SRBD1: variants seen among roughly 807,000 people sequenced by gnomAD.
The protein encoded by SRBD1 is S1 RNA binding domain 1, also known as S1 RNA-binding domain-containing protein 1.
In SRBD1, 88 loss-of-function variants were observed where a neutral mutation model predicts 115.3. The ratio of observed to expected loss-of-function variants is 0.76; its 90% confidence interval spans 0.64 to 0.91. SRBD1 has a LOEUF of 0.91. Among genes scored for constraint, SRBD1 ranks in the 40% least tolerant of loss-of-function variants. The pLI, the probability that SRBD1 is intolerant of heterozygous loss-of-function variation, is 0.00. For missense variants in SRBD1, 1,385 were observed against 1,177.4 expected (o/e 1.18, Z -2.58); for synonymous variants, 509 against 407.7 (o/e 1.25, Z -2.99).
intron 19 of SRBD1, among the ~76,000 whole-genome samples, chr2:45,407,966 T>C (rs1191853648): frequency 6.6e-6 from 1 of 152,110 alleles, no homozygotes; most frequent in African/African-American, 2.4e-5. Context: ...ATCTCAATTT[T>C]CCTAAAAACA....
intron 16 of SRBD1, among the ~76,000 whole-genome samples, chr2:45,473,394 C>G (rs1260054103): frequency 6.6e-6 from 1 of 152,132 alleles, no homozygotes; most frequent in Non-Finnish European, 1.5e-5. Flanking sequence ...TAAAAACTAT[C>G]AGGCTCAACT....
intron 19 of SRBD1, among the ~76,000 whole-genome samples, chr2:45,408,244 C>T (rs1667493533): frequency 6.6e-6 from 1 of 152,118 alleles, no homozygotes; most frequent in African/African-American, 2.4e-5. Flanking sequence ...GTATGAACTA[C>T]CTATGCTGAG....
chr2:45,609,403 C>G (rs1376146880), intron 1 of SRBD1, among the ~76,000 whole-genome samples: 1 of 152,186 alleles, frequency 6.6e-6, no homozygotes, highest in Admixed American at 6.5e-5. Flanking sequence ...CTTGAACTAC[C>G]ACACTCGCCT....
intron 16 of SRBD1, among the ~76,000 whole-genome samples, chr2:45,430,863 T>C (rs1252000129): frequency 1.3e-5 from 2 of 152,106 alleles, no homozygotes; most frequent in East Asian, 3.9e-4. Flanking sequence ...AGGCAACCTA[T>C]AGAATGGGAG....
At chr2:45,413,675 C>G (rs1289832126) in intron 18 of SRBD1, among the ~76,000 whole-genome samples, 9 of 152,068 alleles carry the variant, frequency 5.9e-5, no homozygotes, top group African/African-American at 2.2e-4. Context: ...CACCTGTAAT[C>G]CCAACACTTT....
chr2:45,561,123 A>G (rs188420558), intron 10 of SRBD1, among the ~76,000 whole-genome samples: 53 of 152,294 alleles, frequency 3.5e-4, no homozygotes, highest in African/African-American at 1.2e-3. Flanking sequence ...AAAGAAAAAG[A>G]AAAGAAACTA....
At chr2:45,433,271 T>A (rs187151306) in intron 16 of SRBD1, among the ~76,000 whole-genome samples, 21 of 152,270 alleles carry the variant, frequency 1.4e-4, no homozygotes, top group African/African-American at 4.6e-4. Flanking sequence ...AGAGAGTGGA[T>A]GCTGAGTGCA....
chr2:45,488,823 A>G (rs1028128580), intron 14 of SRBD1, among the ~76,000 whole-genome samples: 24 of 151,914 alleles, frequency 1.6e-4, no homozygotes, highest in African/African-American at 5.1e-4. Flanking sequence ...AAGCACTGTT[A>G]TTGTTATTAC....
At chr2:45,605,313 T>C (rs1264452849) in intron 2 of SRBD1, 49 bp downstream of exon 2, 3 of 1,561,792 alleles carry the variant, frequency 1.9e-6, no homozygotes, top group Non-Finnish European at 2.6e-6. Flanking sequence ...TTACTCCTTA[T>C]TAAAATATTC....
At chr2:45,551,320 C>T (rs3755081) in intron 11 of SRBD1, 38 bp from the exon 12 acceptor site, 200,635 of 1,562,088 alleles carry the variant, frequency 0.13, 13,943 homozygotes, top group East Asian at 0.25. Context: ...TTTTCATTCA[C>T]CCAAATTTTC....
chr2:45,588,802 A>G (rs930335920), intron 4 of SRBD1, among the ~76,000 whole-genome samples: 3 of 152,218 alleles, frequency 2.0e-5, no homozygotes, highest in Non-Finnish European at 4.4e-5. Flanking sequence ...TTTTATTGTT[A>G]TGAGGATGGT....
intron 10 of SRBD1, among the ~76,000 whole-genome samples, chr2:45,560,590 T>C (rs546625018): frequency 6.6e-6 from 1 of 152,210 alleles, no homozygotes; most frequent in Non-Finnish European, 1.5e-5. Context: ...TTAAGTAGCA[T>C]GCCCATAGGT....
intron 14 of SRBD1, among the ~76,000 whole-genome samples, chr2:45,520,361 A>C (rs1261806069): frequency 6.6e-6 from 1 of 152,180 alleles, no homozygotes; most frequent in African/African-American, 2.4e-5. Flanking sequence ...GTAGTGTGAG[A>C]ATATGGATTA....
chr2:45,501,747 C>A (rs1213224241), intron 14 of SRBD1, among the ~76,000 whole-genome samples: 1 of 152,166 alleles, frequency 6.6e-6, no homozygotes, highest in African/African-American at 2.4e-5. Context: ...GGGGTAGGGG[C>A]ACCTGCCATT....
intron 7 of SRBD1, among the ~76,000 whole-genome samples, chr2:45,576,613 T>C (rs914753551): frequency 6.6e-6 from 1 of 152,224 alleles, no homozygotes; most frequent in Non-Finnish European, 1.5e-5. Context: ...GGAGACTGTA[T>C]ATCTAATGGA....
At chr2:45,534,922 A>C (rs995244755) in intron 14 of SRBD1, among the ~76,000 whole-genome samples, 17 of 151,982 alleles carry the variant, frequency 1.1e-4, no homozygotes, top group African/African-American at 4.1e-4. Flanking sequence ...AAAGTCACCC[A>C]CAGAGTAAAA....
At chr2:45,475,008 G>A (rs1350875541) in intron 16 of SRBD1, among the ~76,000 whole-genome samples, 1 of 152,154 alleles carries the variant, frequency 6.6e-6, no homozygotes, top group Non-Finnish European at 1.5e-5. Flanking sequence ...GCTGAACAGT[G>A]AGTAGTCCAA....
At chr2:45,549,668 T>C (rs962235082) in intron 12 of SRBD1, among the ~76,000 whole-genome samples, 8 of 123,630 alleles carry the variant, frequency 6.5e-5, no homozygotes, top group Non-Finnish European at 1.3e-4. Context: ...CTGGGCAACA[T>C]GACGAAACTC....
In SRBD1 at chr2:45,442,760, G is replaced by C. The variant is rs578174808; in HGVS notation, c.2050-22866C>G. Among the ~76,000 whole-genome samples, 7 of 152,248 alleles carry C rather than the reference G, an allele frequency of 4.6e-5. No individual in the cohort carries two copies. The East Asian group carries it at 5.8e-4, about 13-fold the overall frequency. Reference sequence around the variant, plus strand: ...TTTAAGTAAGTTTGGGTTTTAAAGTGAATCAGCAACTTATTTCCATTTTAG... The same window carrying C: ...TTTAAGTAAGTTTGGGTTTTAAAGTCAATCAGCAACTTATTTCCATTTTAG... On this transcript the variant is annotated intron_variant, in intron 16 of 20. Coordinates refer to ENST00000263736, the MANE Select transcript of SRBD1 (RefSeq NM_018079.5).
Sources: gnomAD v4.1 joint callset for allele counts (sites outside exome capture counted in the v4.1 genomes callset) on GRCh38, gnomAD v4.1.1 for gene constraint, MANE v1.5 for transcripts, NCBI Gene and HGNC (gene_info 2026-07-23, HGNC 2026-07-21) for gene names.